FAM227A: variants seen among roughly 807,000 people sequenced by gnomAD.
FAM227A encodes protein FAM227A.
A neutral mutation model predicts 74.7 loss-of-function variants in FAM227A; 80 were observed. That is an observed-to-expected ratio of 1.07 (90% CI 0.89 to 1.29). The LOEUF (loss-of-function observed/expected upper bound fraction) is 1.29. Among genes scored for constraint, FAM227A ranks in the 50% most tolerant of loss-of-function variants. FAM227A has a pLI of 0.00. For synonymous variants in FAM227A, 237 were observed against 241.8 expected, an observed-to-expected ratio of 0.98 and a Z score of 0.19; for missense variants, 654 against 683.4, an observed-to-expected ratio of 0.96 and a Z score of 0.48.
chr22:38,654,659 G>A (rs946262749), intron 1 of FAM227A, among the ~76,000 whole-genome samples: 2 of 151,034 alleles, frequency 1.3e-5, no homozygotes, highest in East Asian at 2.0e-4. Context: ...GGCTGGGCGC[G>A]GTGGCTCACG....
chr22:38,650,315 C>G (rs528876369), intron 1 of FAM227A, 53 bp from the exon 2 acceptor site: 558 of 753,274 alleles, frequency 7.4e-4, no homozygotes, highest in Non-Finnish European at 1.0e-3. Context: ...GAAGAAAAGC[C>G]CAACCATGTT....
chr22:38,640,083 G>A (rs1030828793), intron 3 of FAM227A, among the ~76,000 whole-genome samples: 2 of 152,150 alleles, frequency 1.3e-5, no homozygotes, highest in East Asian at 3.9e-4. Flanking sequence ...GCCCAGGCTG[G>A]AATGCAGTGG....
rs150402367 is a variant in FAM227A, at chr22:38,627,289, C to T, written c.726+949G>A. Among the ~76,000 whole-genome samples the T allele has an allele frequency of 6.6e-4, 100 of 151,786 alleles. 1 individual carries two copies. The highest frequency in any genetic ancestry group is 2.1e-3 in the African/African-American group (87 of 41,404). On this transcript the variant is annotated intron_variant, in intron 8 of 16. Transcript: ENST00000535113. ...AAAAATATAAAATGGAAAGGGAGGC[C>T]GGGCGCAGTGGCTCATGCCTGTAAT...
In FAM227A at chr22:38,596,177, C is replaced by T. The variant is rs577788364; in HGVS notation, c.1532+1027G>A. 3.9e-5 allele frequency among the ~76,000 whole-genome samples: 6 copies of T among 152,050 alleles called. No individual in the cohort carries two copies. In the East Asian group the frequency reaches 5.8e-4, roughly 15 times the overall value. ...CTCTACTAAAAACACAAAAATTAGC[C>T]GGGCATGGTGGTGCACACCTATAGT... On this transcript the variant is annotated intron_variant, in intron 15 of 16. Transcript: ENST00000535113.
rs769372113 is a variant in FAM227A at position 38,628,311 on chromosome 22, TCAAA to T, written c.649_652del (p.Phe217ThrfsTer3). ...TAAGGCATAGTGCTGGGCTATCCGG[TCAAA>T]CAGATTATTCTGGAGCTCCTTGTTT... On this transcript the variant is annotated frameshift_variant, in exon 8 of 17. Coordinates refer to ENST00000535113, the MANE Select transcript of FAM227A (RefSeq NM_001013647.2). LOFTEE classifies it high-confidence loss of function. 24 of 1,551,334 alleles carry T rather than the reference TCAAA, an allele frequency of 1.5e-5. No individual in the cohort carries two copies. Among genetic ancestry groups the T allele is most frequent in the East Asian group, 7.3e-5 (3 of 40,932 alleles).
chr22:38,597,260 C>G lies in FAM227A; in HGVS notation c.1476G>C (p.Trp492Cys), dbSNP rs1427975375. 1 of 1,552,206 alleles carries G rather than the reference C, an allele frequency of 6.4e-7. No homozygotes were observed. ...DNLNQLYQHH[W>C]TEWNYFDKHL... ...GCTTGTCAAAATAATTCCATTCAGT[C>G]CAATGATGCTGGTACAACTGATTGA... The change falls in exon 15 of 17, where the codon TGG becomes TGC. Residue 492 changes from tryptophan to cysteine, a missense_variant. Trp to Cys is a radical substitution (Grantham distance 215). Transcript: ENST00000535113.
At chr22:38,638,468 C>G (rs910746722) in intron 5 of FAM227A, among the ~76,000 whole-genome samples, 3 of 152,228 alleles carry the variant, frequency 2.0e-5, no homozygotes, top group African/African-American at 7.2e-5. Context: ...CTGCATGGCA[C>G]AGTGGCTCTG....
In FAM227A at chr22:38,616,784, T is replaced by G. The variant is rs561352571; in HGVS notation, c.1038+3428A>C. Among the ~76,000 whole-genome samples, 292 of 151,396 alleles carry G rather than the reference T, an allele frequency of 1.9e-3. 1 individual carries two copies. Among genetic ancestry groups the G allele is most frequent in the Middle Eastern group, 3.4e-3 (1 of 290 alleles). On this transcript the variant is annotated intron_variant, in intron 11 of 16. Transcript: ENST00000535113. ...CAGTGATGGGAATGACCCCACAGAA[T>G]GGGAGGAAATGAAGATGCAGGAAAG...
intron 11 of FAM227A, among the ~76,000 whole-genome samples, chr22:38,610,595 AAGGACTAGAG>A (rs1569204144): frequency 6.6e-6 from 1 of 152,196 alleles, no homozygotes; most frequent in Non-Finnish European, 1.5e-5. Flanking sequence ...GGGCTGTTGT[AAGGACTAGAG>A]AGGATATATG....
At chr22:38,630,799 G>T (rs1301974952) in intron 6 of FAM227A, among the ~76,000 whole-genome samples, 2 of 152,162 alleles carry the variant, frequency 1.3e-5, no homozygotes, top group African/African-American at 4.8e-5. Context: ...CCGGGACAAG[G>T]CATCCCAGGG....
intron 13 of FAM227A, among the ~76,000 whole-genome samples, chr22:38,601,833 G>C (rs2091185153): frequency 6.6e-6 from 1 of 152,148 alleles, no homozygotes. Context: ...CAGCTGCTCA[G>C]GTGGGACAAT....
At position 38,581,462 on chromosome 22, in the gene FAM227A, CAG is replaced by C. The variant is rs968590213; in HGVS notation, c.*4661_*4662del. 3 of 152,092 alleles carry C rather than the reference CAG, an allele frequency of 2.0e-5. No individual in the cohort carries two copies. The highest frequency in any genetic ancestry group is 2.9e-5 in the Non-Finnish European group (2 of 68,030). The allele number at this position is 152,092 out of a possible 1,614,324, so 9.4% of individuals were successfully genotyped here. A position where few individuals can be genotyped will look rare whatever the true frequency, so the allele number is the denominator to read the frequency against. On this transcript the variant is annotated 3_prime_UTR_variant, in exon 17 of 17. Transcript: ENST00000535113. ...GAAATATATACACATATTTTTGAGA[CAG>C]AGTCTCACTGTGTTGTCCAGGCTGG...
chr22:38,647,415 G>C (rs1022522979), intron 2 of FAM227A, among the ~76,000 whole-genome samples: 10 of 151,980 alleles, frequency 6.6e-5, no homozygotes, highest in African/African-American at 2.4e-4. Flanking sequence ...AGTGAGCTGA[G>C]ATTGCGCCAC....
Position 38,650,179 on chromosome 22 carries a change from C to T in FAM227A, c.-11G>A. 1 of 1,550,858 alleles carries T rather than the reference C, an allele frequency of 6.4e-7. No homozygotes were observed. Among genetic ancestry groups the T allele is most frequent in the Non-Finnish European group, 8.7e-7 (1 of 1,146,682 alleles). ...CCTGAAGTGATTCATTGTCCAATTT[C>T]TTGTAAATGGACAAACAAAAAGCTT... On this transcript the variant is annotated 5_prime_UTR_variant, in exon 2 of 17. Coordinates refer to ENST00000535113, the MANE Select transcript of FAM227A (RefSeq NM_001013647.2).
At position 38,599,789 on chromosome 22, in the gene FAM227A, T is replaced by A; in HGVS notation, c.1354A>T (p.Arg452Ter). Residue 452 changes from arginine (R) to a stop codon, truncating the protein, a stop_gained, in exon 14 of 17, where the codon AGA becomes TGA. Transcript: ENST00000535113. LOFTEE classifies it high-confidence loss of function. ...GGGGTGCTCGTGGTCTTTTCCCTTC[T>A]GACTATCAACACATTCTTGCCGTGC... ...QQHGKNVLIV[R>*]REKTTSTPDC... The A allele has an allele frequency of 6.4e-7, 1 of 1,551,476 alleles. No individual in the cohort carries two copies. The highest frequency in any genetic ancestry group is 1.2e-5 in the South Asian group (1 of 84,022).
chr22:38,613,345 ATAT>A (rs1428038956), intron 11 of FAM227A, among the ~76,000 whole-genome samples: 10 of 22,170 alleles, frequency 4.5e-4, no homozygotes, highest in Non-Finnish European at 7.3e-4. Context: ...TATATAACAT[ATAT>A]TATATAATAT....
At position 38,596,942 on chromosome 22, in the gene FAM227A, G is replaced by C. The variant is rs534942316; in HGVS notation, c.1532+262C>G. On this transcript the variant is annotated intron_variant, in intron 15 of 16. Coordinates refer to ENST00000535113, the MANE Select transcript of FAM227A (RefSeq NM_001013647.2). The stretch of plus-strand genomic sequence containing the variant: ...AAAATGTTGGCAATGTGTATCTCTT[G>C]GTACTTTTATGTGGTTTCCGGGTCC... Among the ~76,000 whole-genome samples, 8 of 152,068 alleles carry C rather than the reference G, an allele frequency of 5.3e-5. No homozygotes were observed. In the South Asian group the frequency reaches 1.5e-3, roughly 28 times the overall value.
chr22:38,655,700 C>T (rs5757211), intron 1 of FAM227A, among the ~76,000 whole-genome samples: 44,823 of 151,926 alleles, frequency 0.3, 6,698 homozygotes, highest in East Asian at 0.36. Flanking sequence ...ACATATGTGG[C>T]CTGCTTTATG....
At chr22:38,603,442 C>T (rs992830934) in intron 13 of FAM227A, among the ~76,000 whole-genome samples, 3 of 150,616 alleles carry the variant, frequency 2.0e-5, no homozygotes, top group Non-Finnish European at 2.9e-5. Context: ...GAGCCAAGAT[C>T]GCACCACTGC....
Sources: allele counts gnomAD v4.1 joint callset (sites outside exome capture counted in the v4.1 genomes callset), GRCh38; gene constraint gnomAD v4.1.1; transcripts MANE v1.5; gene names NCBI Gene and HGNC (gene_info 2026-07-23, HGNC 2026-07-21).